The following MDFI variants were observed in gnomAD, a reference collection of about 807,000 sequenced individuals.
MDFI encodes inhibitor of MyoD family a.
In MDFI, 16 loss-of-function variants were observed where a neutral mutation model predicts 22.3. The observed-to-expected ratio is 0.72, with a 90% CI of 0.49 to 1.09. The LOEUF (loss-of-function observed/expected upper bound fraction) is 1.09, where lower values mean the gene tolerates loss of function less well. Among genes scored for constraint, MDFI ranks in the 50% least tolerant of loss-of-function variants. The pLI is 0.00. For synonymous variants in MDFI, 145 were observed against 142.7 expected, an observed-to-expected ratio of 1.02 and a Z score of -0.12; for missense variants, 314 against 326.1, an observed-to-expected ratio of 0.96 and a Z score of 0.29.
In MDFI at chr6:41,638,920, A is replaced by G; in HGVS notation, c.76+95A>G. 7.5e-7 allele frequency: 1 copy of G among 1,341,798 alleles called. No homozygotes were observed. Among genetic ancestry groups the G allele is most frequent in the Non-Finnish European group, 1.0e-6 (1 of 996,428 alleles). The allele number at this position is 1,341,798 out of a possible 1,614,324, so 83.1% of individuals were successfully genotyped here. ...CTCCTCTCCGTCCCCAGACGCGGGG[A>G]GACCGTTCCAGGGAGCTTGGTGGGG... On this transcript the variant is annotated intron_variant, in intron 2 of 4. Transcript: ENST00000230321. The surrounding 1 kb of genome is among the most constrained non-coding windows in gnomAD (Gnocchi z 7.6).
rs573204345 is a variant in MDFI, at chr6:41,651,332, CAG to C, written c.484+1490_484+1491del. 3.1e-3 allele frequency among the ~76,000 whole-genome samples: 461 copies of C among 149,504 alleles called. 43 individuals are homozygous for C. The highest frequency in any genetic ancestry group is 0.01 in the African/African-American group (415 of 40,082). On this transcript the variant is annotated intron_variant, in intron 4 of 4. Coordinates refer to ENST00000230321, the MANE Select transcript of MDFI (RefSeq NM_005586.4). ...ACTCATGCAGAGGATTACGCAAACA[CAG>C]GGGGACCACTCACACCAGCCCAGAA...
chr6:41,644,004 T>G (rs1241734742), intron 2 of MDFI, among the ~76,000 whole-genome samples: 1 of 152,074 alleles, frequency 6.6e-6, no homozygotes, highest in Non-Finnish European at 1.5e-5. Context: ...GGTCCGGAGC[T>G]AGGCAGGCCC....
At chr6:41,645,734 A>G (rs1268596441) in intron 2 of MDFI, among the ~76,000 whole-genome samples, 2 of 148,518 alleles carry the variant, frequency 1.3e-5, no homozygotes, top group East Asian at 2.0e-4. Flanking sequence ...CTTTACCTCT[A>G]CCTCTCACTG....
intron 2 of MDFI, chr6:41,639,872 G>GGCCT (rs1429685090): frequency 3.0e-6 from 3 of 985,280 alleles, no homozygotes; most frequent in Non-Finnish European, 3.6e-6. Flanking sequence ...CCTCGAAGCC[G>GGCCT]GCCTGCCTGC....
At chr6:41,642,832 C>T (rs1212332012) in intron 2 of MDFI, among the ~76,000 whole-genome samples, 1 of 152,214 alleles carries the variant, frequency 6.6e-6, no homozygotes, top group Non-Finnish European at 1.5e-5. Flanking sequence ...CTGTAATTTC[C>T]TGTTCCCACC....
At chr6:41,647,104 G>T (rs531059149) in intron 3 of MDFI, among the ~76,000 whole-genome samples, 1 of 152,318 alleles carries the variant, frequency 6.6e-6, no homozygotes, top group African/African-American at 2.4e-5. Flanking sequence ...GGGCATCTGG[G>T]GCTAAGCTGG....
chr6:41,639,989 G>A, intron 2 of MDFI: 1 of 921,210 alleles, frequency 1.1e-6, no homozygotes, highest in Non-Finnish European at 1.3e-6. Flanking sequence ...AAGATGTCTG[G>A]CCAACAGCCA....
At chr6:41,647,976 G>A (rs1047591857) in intron 3 of MDFI, among the ~76,000 whole-genome samples, 10 of 150,506 alleles carry the variant, frequency 6.6e-5, no homozygotes, top group Non-Finnish European at 1.5e-4. Context: ...CCCGGGAGGC[G>A]GATGTTGCAG....
chr6:41,638,951 G>T lies in MDFI; in HGVS notation c.76+126G>T. Reference sequence around the variant, plus strand: ...TTCCAGGGAGCTTGGTGGGGGTAGGGACGAAAAGTCTGGGTTTGAGGACTT... The same window carrying T: ...TTCCAGGGAGCTTGGTGGGGGTAGGTACGAAAAGTCTGGGTTTGAGGACTT... On this transcript the variant is annotated intron_variant, in intron 2 of 4. Transcript: ENST00000230321. This position sits in a 1 kb window ranked among gnomAD's most constrained non-coding sequence, Gnocchi z 7.6. 9.0e-7 allele frequency: 1 copy of T among 1,113,018 alleles called. No homozygotes were observed. Among genetic ancestry groups the T allele is most frequent in the Non-Finnish European group, 1.2e-6 (1 of 802,328 alleles). The allele number at this position is 1,113,018 out of a possible 1,614,324, so 68.9% of individuals were successfully genotyped here.
chr6:41,647,177 C>A (rs3789208), intron 3 of MDFI, among the ~76,000 whole-genome samples: 1 of 151,894 alleles, frequency 6.6e-6, no homozygotes, highest in Middle Eastern at 3.4e-3. Context: ...CTCCAGCACA[C>A]CCACTAGCAG....
intron 3 of MDFI, 43 bp downstream of exon 3, chr6:41,646,351 G>T: frequency 3.6e-6 from 5 of 1,378,792 alleles, no homozygotes; most frequent in Non-Finnish European, 3.8e-6. Flanking sequence ...AACATGTAGG[G>T]TTGCACTAGG....
chr6:41,644,303 G>T (rs768972774), intron 2 of MDFI, among the ~76,000 whole-genome samples: 2 of 152,292 alleles, frequency 1.3e-5, no homozygotes, highest in Non-Finnish European at 2.9e-5. Context: ...CATGGGCCCC[G>T]GGAAGGGTTC....
At chr6:41,640,566 G>C (rs771247593) in intron 2 of MDFI, among the ~76,000 whole-genome samples, 1 of 152,182 alleles carries the variant, frequency 6.6e-6, no homozygotes, top group African/African-American at 2.4e-5. Flanking sequence ...AGCCCAAACC[G>C]CAGGAGACCC....
At chr6:41,642,763 C>T (rs1038931606) in intron 2 of MDFI, among the ~76,000 whole-genome samples, 11 of 152,150 alleles carry the variant, frequency 7.2e-5, no homozygotes, top group African/African-American at 2.7e-4. Context: ...TTTTCCTCCA[C>T]GGTCTGATGC....
intron 3 of MDFI, among the ~76,000 whole-genome samples, chr6:41,648,643 C>T (rs1260076833): frequency 2.0e-5 from 3 of 152,118 alleles, no homozygotes; most frequent in African/African-American, 7.2e-5. Flanking sequence ...TCCTTGAGGC[C>T]ACAGGGTCCT....
At chr6:41,650,810 G>A (rs1301777927) in intron 4 of MDFI, among the ~76,000 whole-genome samples, 3 of 151,830 alleles carry the variant, frequency 2.0e-5, no homozygotes, top group Admixed American at 6.6e-5. Flanking sequence ...CTGACCTCAG[G>A]TGATCCACCC....
At position 41,653,839 on chromosome 6, in the gene MDFI, A is replaced by T. The variant is rs960661107; in HGVS notation, c.*264A>T. The T allele has an allele frequency of 4.3e-6, 2 of 462,114 alleles. No homozygotes were observed. Among genetic ancestry groups the T allele is most frequent in the Admixed American group, 3.4e-5 (1 of 29,052 alleles). 28.6% of individuals were successfully genotyped at this position (462,114 alleles called of 1,614,324 possible). A position where few individuals can be genotyped will look rare whatever the true frequency, so the allele number is the denominator to read the frequency against. On this transcript the variant is annotated 3_prime_UTR_variant, in exon 5 of 5. Transcript: ENST00000230321. This position sits in a 1 kb window ranked among gnomAD's most constrained non-coding sequence, Gnocchi z 4.2. ...GGGTTACCAGGTTCATACATTGCTG[A>T]GGACCTGACAGGACAACCTAGGGGC...
intron 4 of MDFI, 44 bp downstream of exon 4, chr6:41,649,887 CG>C: frequency 1.3e-6 from 2 of 1,567,824 alleles, no homozygotes; most frequent in Non-Finnish European, 1.7e-6. Flanking sequence ...CCTCCAAAGC[CG>C]GGTTCCTCGA....
intron 3 of MDFI, 35 bp downstream of exon 3, chr6:41,646,343 C>T: frequency 7.2e-7 from 1 of 1,386,316 alleles, no homozygotes. Flanking sequence ...TGGATGGCAA[C>T]ATGTAGGGTT....
Sources: allele counts gnomAD v4.1 joint callset (sites outside exome capture counted in the v4.1 genomes callset), GRCh38; gene constraint gnomAD v4.1.1; non-coding constraint Gnocchi (gnomAD v3.1); transcripts MANE v1.5; gene names NCBI Gene and HGNC (gene_info 2026-07-23, HGNC 2026-07-21).